RASSF3: variants seen among roughly 807,000 people sequenced by gnomAD.
RASSF3 encodes ras association domain-containing protein 3.
RASSF3 carries 19 observed loss-of-function variants against 19.9 expected under a neutral mutation model. The observed-to-expected ratio is 0.96, with a 90% CI of 0.67 to 1.40. RASSF3 has a LOEUF of 1.40. Ranked by LOEUF, RASSF3 falls within the 40% of genes most tolerant of loss-of-function variation. The pLI, the probability that RASSF3 is intolerant of heterozygous loss-of-function variation, is 0.00. For missense variants in RASSF3, 306 were observed against 289.8 expected (o/e 1.06, Z -0.41); for synonymous variants, 110 against 104.2 (o/e 1.06, Z -0.34).
intron 1 of RASSF3, among the ~76,000 whole-genome samples, chr12:64,620,902 A>G (rs1391730053): frequency 6.6e-6 from 1 of 152,140 alleles, no homozygotes; most frequent in Non-Finnish European, 1.5e-5. Context: ...AAGGCACCTT[A>G]TTGCTATTTA....
downstream of RASSF3, among the ~76,000 whole-genome samples, chr12:64,542,636 T>C (rs1465268745): frequency 1.3e-5 from 2 of 152,154 alleles, no homozygotes; most frequent in Non-Finnish European, 1.5e-5. Flanking sequence ...ATGCCTGTAA[T>C]CCCAACACTT....
chr12:64,535,455 C>T (rs1286077768), intron 1 of RASSF3, among the ~76,000 whole-genome samples: 1 of 150,246 alleles, frequency 6.7e-6, no homozygotes, highest in Non-Finnish European at 1.5e-5. Flanking sequence ...GCCTCAACTT[C>T]CCAGGCTCAA....
intron 2 of RASSF3, among the ~76,000 whole-genome samples, chr12:64,590,495 A>G (rs1168396825): frequency 6.6e-6 from 1 of 152,206 alleles, no homozygotes; most frequent in Non-Finnish European, 1.5e-5. Flanking sequence ...AGAGATGAAC[A>G]CATATACACA....
At chr12:64,617,449 A>C (rs1870590401) in intron 1 of RASSF3, among the ~76,000 whole-genome samples, 1 of 152,210 alleles carries the variant, frequency 6.6e-6, no homozygotes, top group Admixed American at 6.5e-5. Context: ...AAATGAAAAT[A>C]TCTCTCTAAT....
intron 1 of RASSF3, among the ~76,000 whole-genome samples, chr12:64,670,562 G>GT (rs1397151962): frequency 1.3e-5 from 1 of 76,054 alleles, no homozygotes; most frequent in African/African-American, 4.5e-5. Flanking sequence ...TTTTTTTTTT[G>GT]TGGGGGGGAT....
downstream of RASSF3, among the ~76,000 whole-genome samples, chr12:64,544,243 G>A (rs1380416990): frequency 6.6e-6 from 1 of 151,610 alleles, no homozygotes; most frequent in Non-Finnish European, 1.5e-5. Flanking sequence ...GAACCCACCG[G>A]GAGGAATGAA....
rs759506483 is a variant in RASSF3 at position 64,667,323 on chromosome 12, T to TTTTC, written c.112-17448_112-17445dup. ...TGGTTACTTGGAATGTGTGTGTGTA[T>TTTTC]TTTCTTTCTTTCTTTCTTTTTGAGA... On this transcript the variant is annotated intron_variant, in intron 1 of 4. Coordinates refer to ENST00000542104, the MANE Select transcript of RASSF3 (RefSeq NM_178169.4). Among the ~76,000 whole-genome samples the TTTTC allele has an allele frequency of 1.8e-4, 27 of 152,172 alleles. No homozygotes were observed. The Middle Eastern group carries it at 0.01, about 58-fold the overall frequency.
rs943400692 is a variant in RASSF3, at chr12:64,697,060, A to T, written c.*2148A>T. The T allele has an allele frequency of 6.4e-4, 86 of 134,752 alleles. No homozygotes were observed. Among genetic ancestry groups the T allele is most frequent in the Admixed American group, 1.0e-3 (14 of 13,344 alleles). 8.3% of individuals were successfully genotyped at this position (134,752 alleles called of 1,614,324 possible). On this transcript the variant is annotated 3_prime_UTR_variant, in exon 5 of 5. Transcript: ENST00000542104. The stretch of plus-strand genomic sequence containing the variant: ...AGTAGTAGCTGATGGGTATCTGTGA[A>T]TTTTTTTTTTTTTTTTTTTTTTACT...
chr12:64,645,118 T>A (rs2136186392), intron 1 of RASSF3, among the ~76,000 whole-genome samples: 1 of 152,294 alleles, frequency 6.6e-6, no homozygotes, highest in South Asian at 2.1e-4. Context: ...TCTGAATTTT[T>A]TCAACAAATA....
intron 1 of RASSF3, among the ~76,000 whole-genome samples, chr12:64,618,389 T>C (rs918748038): frequency 6.6e-6 from 1 of 152,126 alleles, no homozygotes; most frequent in African/African-American, 2.4e-5. Context: ...TGCAGTGGCG[T>C]GATCTCGGCT....
chr12:64,612,140 A>G (rs1215130764), intron 1 of RASSF3, among the ~76,000 whole-genome samples: 1 of 151,816 alleles, frequency 6.6e-6, no homozygotes, highest in African/African-American at 2.4e-5. Context: ...CTCCTCCCCC[A>G]TGCCCACCCT....
At chr12:64,579,963 C>T (rs781687158) in intron 2 of RASSF3, among the ~76,000 whole-genome samples, 4 of 151,806 alleles carry the variant, frequency 2.6e-5, no homozygotes, top group African/African-American at 7.3e-5. Context: ...TACAGGCATG[C>T]GCCACCATGC....
intron 1 of RASSF3, among the ~76,000 whole-genome samples, chr12:64,636,120 G>T (rs962782532): frequency 4.0e-4 from 59 of 147,224 alleles, no homozygotes; most frequent in African/African-American, 1.4e-3. Flanking sequence ...ATAACTTACG[G>T]TTTTTTTTTT....
At chr12:64,644,595 G>A (rs983145943) in intron 1 of RASSF3, among the ~76,000 whole-genome samples, 1 of 152,076 alleles carries the variant, frequency 6.6e-6, no homozygotes, top group African/African-American at 2.4e-5. Flanking sequence ...TACCCGGGAG[G>A]CTAAGGTGGG....
intron 1 of RASSF3, among the ~76,000 whole-genome samples, chr12:64,647,958 G>A (rs527373493): frequency 1.3e-5 from 2 of 152,334 alleles, no homozygotes; most frequent in Admixed American, 6.5e-5. Flanking sequence ...AAATGCATAT[G>A]TTCAGCCATG....
intron 1 of RASSF3, among the ~76,000 whole-genome samples, chr12:64,680,302 A>T (rs532979241): frequency 2.0e-5 from 3 of 152,012 alleles, no homozygotes; most frequent in Non-Finnish European, 4.4e-5. Flanking sequence ...GCCTGAGCTT[A>T]TATCTTCTTT....
chr12:64,680,715 G>A (rs1270015325), intron 1 of RASSF3, among the ~76,000 whole-genome samples: 1 of 151,994 alleles, frequency 6.6e-6, no homozygotes, highest in Non-Finnish European at 1.5e-5. Context: ...CCGGTTTCAA[G>A]CGATTCTCCT....
At position 64,696,103 on chromosome 12, in the gene RASSF3, CTCCCTCCCTCCCTCCCTCCT is replaced by C. The variant is rs1565874928; in HGVS notation, c.*1202_*1221del. On this transcript the variant is annotated 3_prime_UTR_variant, in exon 5 of 5. Transcript: ENST00000542104. ...GTTCTTTTCCTCCCTCCCTCCCTCC[CTCCCTCCCTCCCTCCCTCCT>C]TCCCTCCCTCTCTCTCCCTCTCCCT... The C allele has an allele frequency of 3.8e-5, 5 of 133,210 alleles. No homozygotes were observed. The highest frequency in any genetic ancestry group is 7.5e-5 in the Admixed American group (1 of 13,304). 8.3% of individuals were successfully genotyped at this position (133,210 alleles called of 1,614,324 possible).
chr12:64,568,601 C>T (rs1869469706), intron 2 of RASSF3, among the ~76,000 whole-genome samples: 2 of 152,124 alleles, frequency 1.3e-5, no homozygotes, highest in South Asian at 4.1e-4. Flanking sequence ...TGCAGTCAGG[C>T]ACTCCCCAGT....
Sources: gnomAD v4.1 joint callset for allele counts (sites outside exome capture counted in the v4.1 genomes callset) on GRCh38, gnomAD v4.1.1 for gene constraint, MANE v1.5 for transcripts, NCBI Gene and HGNC (gene_info 2026-07-23, HGNC 2026-07-21) for gene names.